RNF38: variants seen among roughly 807,000 people sequenced by gnomAD.
The protein encoded by RNF38 is ring finger protein 38.
In RNF38, 15 loss-of-function variants were observed where a neutral mutation model predicts 67.2. The observed-to-expected ratio is 0.22, with a 90% CI of 0.15 to 0.34. RNF38 has a LOEUF of 0.34. Ranked by LOEUF, RNF38 falls within the 10% of genes least tolerant of loss-of-function variation. RNF38 has a pLI of 1.00. For synonymous variants in RNF38, 220 were observed against 218.8 expected (o/e 1.01, Z -0.05); for missense variants, 524 against 639.9 (o/e 0.82, Z 1.95).
chr9:36,402,858 A>AT (rs1001576233), upstream of RNF38, among the ~76,000 whole-genome samples: 19 of 151,706 alleles, frequency 1.3e-4, no homozygotes, highest in Middle Eastern at 3.4e-3. Context: ...TTCTTTTTTT[A>AT]TTTTTTTTGT....
chr9:36,444,316 G>C (rs1369385009), intron 1 of RNF38, among the ~76,000 whole-genome samples: 1 of 152,282 alleles, frequency 6.6e-6, no homozygotes, highest in East Asian at 1.9e-4. Flanking sequence ...TGCAGGTTGG[G>C]GGGAAGGGAG....
chr9:36,465,841 G>A (rs1037783241), intron 1 of RNF38, among the ~76,000 whole-genome samples: 2 of 152,028 alleles, frequency 1.3e-5, no homozygotes, highest in East Asian at 1.9e-4. Context: ...ACGAGGTCAG[G>A]AGATCGGGAC....
chr9:36,423,507 C>A (rs1027922476), intron 2 of RNF38, among the ~76,000 whole-genome samples: 2 of 152,174 alleles, frequency 1.3e-5, no homozygotes, highest in Non-Finnish European at 2.9e-5. Context: ...CTGCATATAA[C>A]ACGCAGAAAA....
At chr9:36,380,250 A>G (rs1032077828) in intron 2 of RNF38, among the ~76,000 whole-genome samples, 1 of 152,350 alleles carries the variant, frequency 6.6e-6, no homozygotes. Flanking sequence ...GCCCAGGTAG[A>G]GTGCAATGGC....
At chr9:36,428,412 CA>C (rs778711781) in intron 1 of RNF38, among the ~76,000 whole-genome samples, 308 of 125,002 alleles carry the variant, frequency 2.5e-3, no homozygotes, top group Middle Eastern at 4.3e-3. Context: ...GACCCTGTCT[CA>C]AAAAAAAAAA....
chr9:36,468,847 T>C (rs148505624), intron 1 of RNF38, among the ~76,000 whole-genome samples: 4,664 of 150,740 alleles, frequency 0.031, 95 homozygotes, highest in Non-Finnish European at 0.052. Context: ...GGCACAGTGG[T>C]TCACACCTGT....
intron 1 of RNF38, among the ~76,000 whole-genome samples, chr9:36,439,409 G>T (rs2134291216): frequency 1.3e-5 from 2 of 152,210 alleles, no homozygotes; most frequent in Middle Eastern, 6.8e-3. Flanking sequence ...CTTCAAAGAG[G>T]TGTGACACCT....
chr9:36,464,575 A>C (rs1839816980), intron 1 of RNF38, among the ~76,000 whole-genome samples: 1 of 152,046 alleles, frequency 6.6e-6, no homozygotes, highest in South Asian at 2.1e-4. Flanking sequence ...CGTCTCAAAA[A>C]AAAAAAAAAA....
chr9:36,455,749 C>A (rs1279902177), intron 1 of RNF38, among the ~76,000 whole-genome samples: 1 of 151,724 alleles, frequency 6.6e-6, no homozygotes, highest in Non-Finnish European at 1.5e-5. Flanking sequence ...GATGGTGAAA[C>A]CCCGTCTCTA....
At chr9:36,450,015 T>C (rs916054424) in intron 1 of RNF38, among the ~76,000 whole-genome samples, 7 of 152,252 alleles carry the variant, frequency 4.6e-5, no homozygotes, top group South Asian at 2.1e-4. Flanking sequence ...CCCTCATGTA[T>C]TTATATGCGA....
chr9:36,390,572 G>T lies in RNF38; in HGVS notation c.57C>A (p.Asn19Lys). The change falls in exon 2 of 12, where the codon AAC becomes AAA. Residue 19 changes from asparagine (N) to lysine (K), a missense_variant. Around this residue, in one of 2 missense-constraint regions of RNF38, gnomAD observed 461 missense variants for 517.4 expected, o/e 0.89. Coordinates refer to ENST00000259605, the MANE Select transcript of RNF38 (RefSeq NM_022781.5). The part of the protein sequence containing the change: ...ANSASLPGHP[N>K]KVICERVRLQ... ...GTCTCACCCTTTCACAAATCACCTT[G>T]TTAGGATGGCCAGGTAGAGATGCTG... The T allele has an allele frequency of 6.2e-7, 1 of 1,614,078 alleles. No homozygotes were observed. The highest frequency in any genetic ancestry group is 8.5e-7 in the Non-Finnish European group (1 of 1,179,996).
chr9:36,435,610 T>C (rs987731605), intron 1 of RNF38, among the ~76,000 whole-genome samples: 1 of 150,904 alleles, frequency 6.6e-6, no homozygotes, highest in Non-Finnish European at 1.5e-5. Flanking sequence ...TGCCTTGGCC[T>C]TAGTGAATGG....
intron 1 of RNF38, among the ~76,000 whole-genome samples, chr9:36,464,244 T>G (rs1587187131): frequency 6.6e-6 from 1 of 151,536 alleles, no homozygotes; most frequent in Non-Finnish European, 1.5e-5. Context: ...CTGCATTATG[T>G]AGATGAAATG....
intron 2 of RNF38, among the ~76,000 whole-genome samples, chr9:36,414,667 C>T (rs1237625852): frequency 1.4e-5 from 2 of 139,044 alleles, no homozygotes; most frequent in East Asian, 2.0e-4. Context: ...GCCTGGGCAA[C>T]GAGAGCGAAA....
At chr9:36,405,222 G>GT (rs1838148296), upstream of RNF38, among the ~76,000 whole-genome samples, 1 of 151,898 alleles carries the variant, frequency 6.6e-6, no homozygotes, top group South Asian at 2.1e-4. Context: ...AGCTGAAATC[G>GT]TGCCTTTGCA....
intron 1 of RNF38, among the ~76,000 whole-genome samples, chr9:36,393,477 TTGTGTGTGTGTGTGTGTGTGTG>T (rs58913703): frequency 1.0e-4 from 9 of 87,758 alleles, no homozygotes; most frequent in Admixed American, 4.3e-4. Flanking sequence ...CACACACACA[TTGTGTGTGTGTGTGTGTGTGTG>T]TGTGTGTGTG....
intron 1 of RNF38, among the ~76,000 whole-genome samples, chr9:36,392,066 T>C (rs1230862319): frequency 6.6e-6 from 1 of 152,188 alleles, no homozygotes; most frequent in East Asian, 1.9e-4. Context: ...AAACGTTTAG[T>C]ATGGCTAGAT....
intron 2 of RNF38, among the ~76,000 whole-genome samples, chr9:36,381,723 CTG>C (rs1338951814): frequency 2.0e-5 from 3 of 152,214 alleles, no homozygotes; most frequent in Non-Finnish European, 4.4e-5. Flanking sequence ...TCAAGATATT[CTG>C]TGTCTTTTCG....
intron 2 of RNF38, among the ~76,000 whole-genome samples, chr9:36,423,760 T>A (rs1422521002): frequency 2.9e-5 from 1 of 34,416 alleles, no homozygotes; most frequent in African/African-American, 9.6e-5. Context: ...CCATCCTGGC[T>A]AACACGGTGA....
Sources: gnomAD v4.1 joint callset for allele counts (sites outside exome capture counted in the v4.1 genomes callset) on GRCh38, gnomAD v4.1.1 for gene constraint, gnomAD v4.1.1 regional missense constraint, MANE v1.5 for transcripts, NCBI Gene and HGNC (gene_info 2026-07-23, HGNC 2026-07-21) for gene names.